FSD1: variants seen among roughly 807,000 people sequenced by gnomAD.
The protein encoded by FSD1 is fibronectin type III and SPRY domain-containing protein 1.
A neutral mutation model predicts 58.2 loss-of-function variants in FSD1; 23 were observed. The observed-to-expected ratio is 0.40, with a 90% CI of 0.28 to 0.56. The LOEUF (loss-of-function observed/expected upper bound fraction) is 0.56, where lower values mean the gene tolerates loss of function less well. FSD1 is among the 20% of genes least tolerant of loss of function. FSD1 has a pLI of 0.54. For missense variants in FSD1, 563 were observed against 670.8 expected (o/e 0.84, Z 1.78); for synonymous variants, 265 against 263.4 (o/e 1.01, Z -0.06).
Position 4,311,850 on chromosome 19 carries a change from G to A in FSD1, c.499G>A (p.Ala167Thr), listed in dbSNP as rs763813323. ...QALKFLPVPS[A>T]PVIDLAESLV... Reference sequence around the variant, plus strand: ...CTTTCCGTCTTGGTCAGTGCCCAGCGCACCCGTGATCGACCTGGCTGAGTC... The same window carrying A: ...CTTTCCGTCTTGGTCAGTGCCCAGCACACCCGTGATCGACCTGGCTGAGTC... Residue 167 changes from alanine to threonine, a missense_variant, in exon 7 of 13, where the codon GCA becomes ACA. Physicochemically the swap from Ala to Thr is moderately conservative, Grantham distance 58. Transcript: ENST00000221856. 40 of 1,613,934 alleles carry A rather than the reference G, an allele frequency of 2.5e-5. No homozygotes were observed. Among genetic ancestry groups the A allele is most frequent in the Admixed American group, 6.7e-5 (4 of 60,004 alleles).
At position 4,317,232 on chromosome 19, in the gene FSD1, A is replaced by G; in HGVS notation, c.751A>G (p.Lys251Glu). ...GAACTTCCGTGTGAAGGCCTGTAAC[A>G]AGGCAGTTGCAGGAGAGTTCTCTGA... is the stretch of plus-strand genomic sequence containing the variant. ...YMNFRVKACNKAVAGEFSEPV... is the reference protein window; with the variant it reads ...YMNFRVKACNEAVAGEFSEPV... The change falls in exon 8 of 13, where the codon AAG (lysine) becomes GAG (glutamate). Residue 251 changes from lysine to glutamate, a missense_variant. Lys to Glu is a moderately conservative substitution (Grantham distance 56). Coordinates refer to ENST00000221856, the MANE Select transcript of FSD1 (RefSeq NM_024333.3). 6.2e-7 allele frequency: 1 copy of G among 1,613,288 alleles called. No individual in the cohort carries two copies.
chr19:4,306,412 C>T (rs989391014), intron 3 of FSD1, 83 bp downstream of exon 3: 1 of 1,450,936 alleles, frequency 6.9e-7, no homozygotes, highest in Non-Finnish European at 9.6e-7. Flanking sequence ...CCTCCAAAAA[C>T]TGGGTGCTCT....
intron 7 of FSD1, among the ~76,000 whole-genome samples, chr19:4,316,696 C>T (rs1971759075): frequency 6.6e-6 from 1 of 151,956 alleles, no homozygotes; most frequent in African/African-American, 2.4e-5. Context: ...TTCATAGCCC[C>T]TCAGGGAGAG....
chr19:4,320,946 A>G (rs1259978688), intron 10 of FSD1, among the ~76,000 whole-genome samples: 4 of 88,996 alleles, frequency 4.5e-5, no homozygotes, highest in Admixed American at 1.3e-4. Flanking sequence ...GAGTATCTGG[A>G]GGGGAATCGC....
Position 4,318,515 on chromosome 19 carries a change from C to G in FSD1, c.959+10C>G. The G allele has an allele frequency of 1.3e-6, 2 of 1,578,668 alleles. No homozygotes were observed. Among genetic ancestry groups the G allele is most frequent in the Non-Finnish European group, 1.7e-6 (2 of 1,161,816 alleles). ...TCAACTCCCCAGCCAGGTAGCCTGC[C>G]CCCTCCCCTCCCTAAGTCTCTGGTG... On this transcript the variant is annotated intron_variant, in intron 9 of 12. Transcript: ENST00000221856.
At chr19:4,322,873 C>A in intron 10 of FSD1, 113 bp from the exon 11 acceptor site, 1 of 1,297,764 alleles carries the variant, frequency 7.7e-7, no homozygotes, top group South Asian at 1.4e-5. Context: ...AGTGTCTCTG[C>A]AGGGAGCAGC....
intron 5 of FSD1, 78 bp from the exon 6 acceptor site, chr19:4,310,397 C>A (rs931575617): frequency 6.2e-6 from 10 of 1,605,032 alleles, no homozygotes; most frequent in African/African-American, 2.7e-5. Flanking sequence ...TGGACGGGAG[C>A]CCTGGGGAGG....
rs756552563 is a variant in FSD1, at chr19:4,318,873, G to C, written c.961G>C (p.Gly321Arg). ...CTGCCCACTCCCTGCCCACCACAGA[G>C]GTACTCCATCTCCCAAGAGGATGCC... ...TASPINSPAR[G>R]TPSPKRMPSG... is the part of the protein sequence containing the mutation. The change falls in exon 10 of 13, where the codon GGT becomes CGT. Residue 321 changes from glycine (G) to arginine (R), a missense_variant and splice_region_variant. Physicochemically the swap from Gly to Arg is moderately radical, Grantham distance 125. Transcript: ENST00000221856. 1 of 1,613,422 alleles carries C rather than the reference G, an allele frequency of 6.2e-7. No individual in the cohort carries two copies. Among genetic ancestry groups the C allele is most frequent in the Non-Finnish European group, 8.5e-7 (1 of 1,179,686 alleles).
At chr19:4,306,114 G>C in intron 2 of FSD1, 73 bp downstream of exon 2, 1 of 1,605,798 alleles carries the variant, frequency 6.2e-7, no homozygotes, top group Non-Finnish European at 8.5e-7. Context: ...TTAGGAACTG[G>C]CCCATTGCTG....
At chr19:4,313,328 G>A (rs938221235) in intron 7 of FSD1, among the ~76,000 whole-genome samples, 1 of 151,460 alleles carries the variant, frequency 6.6e-6, no homozygotes, top group Non-Finnish European at 1.5e-5. Flanking sequence ...GCAACAGAGC[G>A]AGACCCTGTC....
chr19:4,318,615 T>G (rs1599540975), intron 9 of FSD1, 110 bp downstream of exon 9: 1 of 1,021,644 alleles, frequency 9.8e-7, no homozygotes, highest in Non-Finnish European at 1.4e-6. Context: ...CTGGGGCTGG[T>G]GGAACCCAGA....
Position 4,323,472 on chromosome 19 carries a change from G to A in FSD1, c.1380+36G>A. ...CTCCGCGGCCCAGGGGGAGGAGAGG[G>A]TGGTGCTGGGCGCTGGGGTTTGAAG... On this transcript the variant is annotated intron_variant, in intron 12 of 12. Transcript: ENST00000221856. The surrounding 1 kb of genome is among the most constrained non-coding windows in gnomAD (Gnocchi z 7.7). 1 of 1,602,462 alleles carries A rather than the reference G, an allele frequency of 6.2e-7. No homozygotes were observed.
Position 4,323,459 on chromosome 19 carries a change from G to A in FSD1, c.1380+23G>A. On this transcript the variant is annotated intron_variant, in intron 12 of 12. Coordinates refer to ENST00000221856, the MANE Select transcript of FSD1 (RefSeq NM_024333.3). The surrounding 1 kb of genome is among the most constrained non-coding windows in gnomAD (Gnocchi z 7.7). ...ACGGTGAGCTGCCCTCCGCGGCCCAGGGGGAGGAGAGGGTGGTGCTGGGCG... is the reference window on the plus strand; with the variant it reads ...ACGGTGAGCTGCCCTCCGCGGCCCAAGGGGAGGAGAGGGTGGTGCTGGGCG... 6.2e-7 allele frequency: 1 copy of A among 1,607,376 alleles called. No homozygotes were observed. The highest frequency in any genetic ancestry group is 8.5e-7 in the Non-Finnish European group (1 of 1,174,762).
Position 4,318,383 on chromosome 19 carries a change from G to A in FSD1, c.837G>A (p.Gln279=), listed in dbSNP as rs1971778129. The A allele has an allele frequency of 1.2e-6, 2 of 1,613,934 alleles. No homozygotes were observed. The highest frequency in any genetic ancestry group is 1.3e-5 in the African/African-American group (1 of 75,012). Residue 279 remains glutamine, a synonymous_variant, in exon 9 of 13, where the codon CAG becomes CAA. Transcript: ENST00000221856. ...GCCTGGATGCGTCCACATCCCACCA[G>A]AACCTGCGGGTGGATGATCTCTCCG... ...MFRLDASTSH[Q]NLRVDDLSVE...
rs529816590 is a variant in FSD1, at chr19:4,323,450, C to T, written c.1380+14C>T. On this transcript the variant is annotated intron_variant, in intron 12 of 12. Coordinates refer to ENST00000221856, the MANE Select transcript of FSD1 (RefSeq NM_024333.3). The surrounding 1 kb of genome is among the most constrained non-coding windows in gnomAD (Gnocchi z 7.7). ...CCTGCTTTCACGGTGAGCTGCCCTC[C>T]GCGGCCCAGGGGGAGGAGAGGGTGG... The T allele has an allele frequency of 3.4e-5, 54 of 1,610,728 alleles. 1 individual carries two copies. Among genetic ancestry groups the T allele is most frequent in the South Asian group, 2.9e-4 (26 of 90,910 alleles).
intron 7 of FSD1, among the ~76,000 whole-genome samples, chr19:4,314,634 C>T (rs1024048964): frequency 6.6e-6 from 1 of 152,022 alleles, no homozygotes; most frequent in Non-Finnish European, 1.5e-5. Flanking sequence ...TTACAGGCGC[C>T]CACCACCATG....
chr19:4,312,504 A>C (rs1238939998), intron 7 of FSD1, among the ~76,000 whole-genome samples: 1 of 136,126 alleles, frequency 7.3e-6, no homozygotes, highest in East Asian at 2.1e-4. Flanking sequence ...AAAACAAAAA[A>C]TAATAATAAT....
intron 7 of FSD1, among the ~76,000 whole-genome samples, chr19:4,314,422 T>C (rs1971730057): frequency 6.6e-6 from 1 of 151,664 alleles, no homozygotes; most frequent in Middle Eastern, 3.2e-3. Flanking sequence ...AAAAGTACAG[T>C]GAGGACCCAT....
rs1204862497 is a variant in FSD1, at chr19:4,323,235, A to G, written c.1289A>G (p.Gln430Arg). 6.2e-7 allele frequency: 1 copy of G among 1,605,020 alleles called. No homozygotes were observed. The highest frequency in any genetic ancestry group is 1.1e-5 in the South Asian group (1 of 91,046). ...CTGGGTGTGCACTGTGACTTCCACC[A>G]AGGTGACCCCAAGCCCCAGCTGCCG... ...DCLGVHCDFH[Q>R]GLLSFYNART... Residue 430 changes from glutamine to arginine, a missense_variant and splice_region_variant, in exon 11 of 13, where the codon CAA becomes CGA. Gln to Arg is a conservative substitution (Grantham distance 43, BLOSUM62 1). Coordinates refer to ENST00000221856, the MANE Select transcript of FSD1 (RefSeq NM_024333.3). This position sits in a 1 kb window ranked among gnomAD's most constrained non-coding sequence, Gnocchi z 7.7.
Sources: allele counts gnomAD v4.1 joint callset (sites outside exome capture counted in the v4.1 genomes callset), GRCh38; gene constraint gnomAD v4.1.1; non-coding constraint Gnocchi (gnomAD v3.1); transcripts MANE v1.5; gene names NCBI Gene and HGNC (gene_info 2026-07-23, HGNC 2026-07-21).